CLASP1: variants seen among roughly 807,000 people sequenced by gnomAD.
CLASP1 encodes the protein CLIP-associating protein 1.
Under a neutral mutation model 192.3 loss-of-function variants are expected in CLASP1, and 38 were observed. The ratio of observed to expected loss-of-function variants is 0.20; its 90% CI spans 0.15 to 0.26. The LOEUF (loss-of-function observed/expected upper bound fraction) is 0.26, where lower values mean the gene tolerates loss of function less well. CLASP1 is among the 10% of genes least tolerant of loss of function. The probability of loss-of-function intolerance (pLI) is 1.00; values close to 1 mark genes in which losing one functional copy is unlikely to be tolerated. For missense variants in CLASP1, 1,433 were observed against 1,932.5 expected (o/e 0.74, Z 4.85); for synonymous variants, 691 against 712.8 (o/e 0.97, Z 0.49).
chr2:121,366,828 A>G (rs999817511), intron 35 of CLASP1, among the ~76,000 whole-genome samples: 10 of 152,246 alleles, frequency 6.6e-5, no homozygotes, highest in African/African-American at 2.4e-4. Context: ...AAAATAATTC[A>G]GTTCCCGAAA....
intron 34 of CLASP1, among the ~76,000 whole-genome samples, chr2:121,375,386 A>G (rs1238905679): frequency 7.9e-6 from 1 of 126,520 alleles, no homozygotes; most frequent in African/African-American, 3.2e-5. Flanking sequence ...TTTTTTTGAG[A>G]CAGAGTCTCA....
exon 29 of CLASP1, chr2:121,398,349 C>T: frequency 6.3e-7 from 1 of 1,599,158 alleles, no homozygotes. Flanking sequence ...GAGTTTGATC[C>T]ACAATAAATC....
intron 1 of CLASP1, among the ~76,000 whole-genome samples, chr2:121,636,335 C>CAAA (rs1297226113): frequency 1.7e-5 from 2 of 119,636 alleles, no homozygotes; most frequent in Non-Finnish European, 3.2e-5. Context: ...GACTCCATTT[C>CAAA]AAAAATAATA....
intron 2 of CLASP1, among the ~76,000 whole-genome samples, chr2:121,550,776 A>G (rs1389095153): frequency 6.6e-6 from 1 of 152,102 alleles, no homozygotes; most frequent in Non-Finnish European, 1.5e-5. Flanking sequence ...TTCACAGCCA[A>G]ATTCTACTAG....
At chr2:121,538,256 T>C (rs972921560) in intron 2 of CLASP1, among the ~76,000 whole-genome samples, 1 of 141,762 alleles carries the variant, frequency 7.1e-6, no homozygotes, top group Non-Finnish European at 1.5e-5. Flanking sequence ...TCTAATCAAA[T>C]ACAAAATTAG....
intron 15 of CLASP1, 75 bp from the exon 16 acceptor site, chr2:121,451,065 T>C (rs2149798489): frequency 1.9e-6 from 2 of 1,028,818 alleles, no homozygotes; most frequent in Non-Finnish European, 3.0e-6. Flanking sequence ...GTGGGAGAAA[T>C]AACTTCCAAA....
rs115350303 is a variant in CLASP1 at position 121,445,755 on chromosome 2, G to C, written c.1912+1582C>G. Among the ~76,000 whole-genome samples, 747 of 152,254 alleles carry C rather than the reference G, an allele frequency of 4.9e-3. 8 individuals carry two copies. The highest frequency in any genetic ancestry group is 0.017 in the African/African-American group (724 of 41,550). ...TATCATCAGTGCTTCTGAAGGGTCAGCTCCATATTATCATACCAAAAGACG... is the reference window on the plus strand; with the variant it reads ...TATCATCAGTGCTTCTGAAGGGTCACCTCCATATTATCATACCAAAAGACG... On this transcript the variant is annotated intron_variant, in intron 19 of 39. Transcript: ENST00000263710.
intron 7 of CLASP1, among the ~76,000 whole-genome samples, chr2:121,511,979 G>A (rs149472485): frequency 1.3e-4 from 20 of 152,226 alleles, no homozygotes; most frequent in African/African-American, 4.6e-4. Flanking sequence ...TTCCCTTTCC[G>A]AAACAATCAT....
chr2:121,457,305 T>C lies in CLASP1; in HGVS notation c.1385+382A>G, dbSNP rs1215849445. ...TATTGCCATTGATGTTTACGGTATT[T>C]TTTTCTTGCATGCAGTTACTGCCTT... On this transcript the variant is annotated intron_variant, in intron 14 of 39. Coordinates refer to ENST00000263710, the Ensembl canonical transcript of CLASP1. Among the ~76,000 whole-genome samples the C allele has an allele frequency of 2.6e-5, 4 of 152,186 alleles. No individual in the cohort carries two copies. The East Asian group carries it at 7.7e-4, about 29-fold the overall frequency.
At chr2:121,342,314 T>C (rs2149083400) in intron 39 of CLASP1, among the ~76,000 whole-genome samples, 1 of 152,204 alleles carries the variant, frequency 6.6e-6, no homozygotes, top group Admixed American at 6.5e-5. Flanking sequence ...GATGGGGCTT[T>C]GCCATGTTGA....
intron 37 of CLASP1, among the ~76,000 whole-genome samples, chr2:121,352,943 C>A (rs940218699): frequency 6.6e-6 from 1 of 152,108 alleles, no homozygotes; most frequent in African/African-American, 2.4e-5. Flanking sequence ...CCACTGCGAC[C>A]AGCCTAAAAT....
intron 2 of CLASP1, chr2:121,531,071 T>G (rs529832152): frequency 5.8e-6 from 4 of 690,442 alleles, no homozygotes; most frequent in African/African-American, 3.5e-5. Context: ...AAACTAGTAC[T>G]TTGTGGTTAA....
chr2:121,641,439 A>G (rs2106334881), intron 1 of CLASP1, among the ~76,000 whole-genome samples: 1 of 152,338 alleles, frequency 6.6e-6, no homozygotes, highest in South Asian at 2.1e-4. Flanking sequence ...ACTAGAAGGT[A>G]GGCCACAAAA....
At chr2:121,436,269 C>T (rs896304346) in intron 19 of CLASP1, among the ~76,000 whole-genome samples, 7 of 151,706 alleles carry the variant, frequency 4.6e-5, no homozygotes, top group South Asian at 2.1e-4. Flanking sequence ...TGTCCTCAAG[C>T]GATCAGCCCA....
In CLASP1 at chr2:121,417,570, C is replaced by A. The variant is rs74472221; in HGVS notation, c.2320+1052G>T. ...AAGGTGCCCCACTCAAGGGCTCATG[C>A]TAACAAGGTGGAACACCTCACAACA... On this transcript the variant is annotated intron_variant, in intron 23 of 39. Transcript: ENST00000263710. Among the ~76,000 whole-genome samples, 182 of 152,292 alleles carry A rather than the reference C, an allele frequency of 1.2e-3. 2 individuals carry two copies. The East Asian group carries it at 0.033, about 28-fold the overall frequency.
chr2:121,528,623 C>T (rs1575681363), intron 4 of CLASP1, 54 bp downstream of exon 4: 9 of 1,363,038 alleles, frequency 6.6e-6, no homozygotes, highest in South Asian at 2.3e-5. Context: ...CACCCTCGCA[C>T]GTGCATGCAC....
At chr2:121,436,751 T>C (rs901885689) in intron 19 of CLASP1, among the ~76,000 whole-genome samples, 4 of 152,098 alleles carry the variant, frequency 2.6e-5, no homozygotes, top group African/African-American at 9.7e-5. Context: ...CCAACCATCA[T>C]CTCTTCAAAT....
intron 19 of CLASP1, among the ~76,000 whole-genome samples, chr2:121,438,631 T>C (rs1429239907): frequency 6.6e-6 from 1 of 152,162 alleles, no homozygotes; most frequent in Non-Finnish European, 1.5e-5. Context: ...CTGGATTACA[T>C]TTATTGATTT....
chr2:121,401,760 C>T (rs2076180269), intron 27 of CLASP1, 88 bp from the exon 29 acceptor site: 2 of 1,133,982 alleles, frequency 1.8e-6, no homozygotes, highest in African/African-American at 1.5e-5. Flanking sequence ...CCCATACGTG[C>T]TTTGCCCAGA....
Sources: gnomAD v4.1 joint callset for allele counts (sites outside exome capture counted in the v4.1 genomes callset) on GRCh38, gnomAD v4.1.1 for gene constraint, MANE v1.5 for transcripts, NCBI Gene and HGNC (gene_info 2026-07-23, HGNC 2026-07-21) for gene names.